Variants in AOPEP observed in about 807,000 individuals in gnomAD.
The protein encoded by AOPEP is aminopeptidase O.
Under a neutral mutation model 98.1 loss-of-function variants are expected in AOPEP, and 77 were observed. That is an observed-to-expected ratio of 0.78 (90% CI 0.65 to 0.95). AOPEP has a LOEUF of 0.95. Ranked by LOEUF, AOPEP falls within the 40% of genes least tolerant of loss-of-function variation. The probability of loss-of-function intolerance (pLI) is 0.00; values close to 1 mark genes in which losing one functional copy is unlikely to be tolerated. For synonymous variants in AOPEP, 346 were observed against 365.3 expected, an observed-to-expected ratio of 0.95 and a Z score of 0.60; for missense variants, 1,024 against 1,024.7, an observed-to-expected ratio of 1.00 and a Z score of 0.01.
At chr9:95,144,264 T>TG in the AOPEP span, among the ~76,000 whole-genome samples, 4 of 152,160 alleles carry the variant, frequency 2.6e-5, no homozygotes, top group Non-Finnish European at 5.9e-5. Context: ...CGCCACTGCT[T>TG]GGGGAACTTG....
At chr9:94,943,070 A>G (rs543793179) in intron 7 of AOPEP, among the ~76,000 whole-genome samples, 2 of 152,204 alleles carry the variant, frequency 1.3e-5, no homozygotes, top group Non-Finnish European at 2.9e-5. Context: ...AGTTTCTTAC[A>G]TACTAGACAC....
At chr9:94,741,750 A>G (rs549611212) in intron 1 of AOPEP, among the ~76,000 whole-genome samples, 306 of 152,336 alleles carry the variant, frequency 2.0e-3, no homozygotes, top group Non-Finnish European at 2.5e-3. Flanking sequence ...CCAAAAAAGA[A>G]GGTACGTTTC....
intron 5 of AOPEP, among the ~76,000 whole-genome samples, chr9:94,898,696 C>A (rs1360667060): frequency 2.0e-5 from 3 of 147,628 alleles, no homozygotes; most frequent in Non-Finnish European, 4.5e-5. Context: ...GTAATCCCAG[C>A]ACTTTGGGAG....
chr9:95,139,381 T>C, the AOPEP span, among the ~76,000 whole-genome samples: 1 of 152,086 alleles, frequency 6.6e-6, no homozygotes, highest in South Asian at 2.1e-4. Context: ...CTGAAGAAAA[T>C]GCAAGACACA....
At chr9:95,146,325 G>A in the AOPEP span, among the ~76,000 whole-genome samples, 2 of 150,848 alleles carry the variant, frequency 1.3e-5, no homozygotes, top group Non-Finnish European at 3.0e-5. Flanking sequence ...CGTCTCTACC[G>A]AAAATACAAA....
chr9:94,770,075 C>T (rs1358745712), intron 2 of AOPEP, among the ~76,000 whole-genome samples: 1 of 152,188 alleles, frequency 6.6e-6, no homozygotes, highest in Non-Finnish European at 1.5e-5. Flanking sequence ...TGATTTCAGA[C>T]ATTTGAACCC....
At chr9:95,020,776 G>A (rs908115896) in intron 13 of AOPEP, among the ~76,000 whole-genome samples, 2 of 151,904 alleles carry the variant, frequency 1.3e-5, no homozygotes, top group African/African-American at 2.4e-5. Context: ...AAATTAGCCA[G>A]GTGTGGTGGT....
At chr9:94,777,967 C>G (rs1200509633) in intron 3 of AOPEP, among the ~76,000 whole-genome samples, 1 of 151,912 alleles carries the variant, frequency 6.6e-6, no homozygotes, top group Non-Finnish European at 1.5e-5. Flanking sequence ...ATAAAAAACC[C>G]CACATGAAAG....
intron 5 of AOPEP, among the ~76,000 whole-genome samples, chr9:94,822,055 T>C (rs1012052152): frequency 2.0e-5 from 3 of 151,660 alleles, no homozygotes; most frequent in African/African-American, 4.8e-5. Flanking sequence ...CTGTGTGCTA[T>C]AGACACACAG....
chr9:94,727,073 C>G (rs530227136), intron 1 of AOPEP, among the ~76,000 whole-genome samples: 2 of 152,204 alleles, frequency 1.3e-5, no homozygotes, highest in Non-Finnish European at 2.9e-5. Context: ...CCTCCAGGCC[C>G]TCGGTCACCT....
At chr9:95,018,249 C>T (rs1161036115) in intron 13 of AOPEP, among the ~76,000 whole-genome samples, 1 of 152,174 alleles carries the variant, frequency 6.6e-6, no homozygotes, top group Non-Finnish European at 1.5e-5. Flanking sequence ...ACATTTCCAC[C>T]AGCAGTGTTT....
intron 5 of AOPEP, among the ~76,000 whole-genome samples, chr9:94,811,054 A>C (rs568667899): frequency 6.6e-5 from 10 of 152,300 alleles, no homozygotes; most frequent in Admixed American, 5.9e-4. Context: ...TTTAGCTTCC[A>C]GATATCTCCA....
chr9:94,956,312 C>T (rs1377274596), intron 9 of AOPEP, among the ~76,000 whole-genome samples: 1 of 152,192 alleles, frequency 6.6e-6, no homozygotes, highest in African/African-American at 2.4e-5. Flanking sequence ...AGACTGCCTC[C>T]TTCTTACCTT....
the AOPEP span, among the ~76,000 whole-genome samples, chr9:95,149,077 T>TA: frequency 6.6e-6 from 1 of 152,214 alleles, no homozygotes; most frequent in African/African-American, 2.4e-5. Flanking sequence ...TCAAACATTT[T>TA]TTTTTTTGCC....
intron 4 of AOPEP, among the ~76,000 whole-genome samples, chr9:94,796,487 A>T (rs1846959950): frequency 6.6e-6 from 1 of 152,144 alleles, no homozygotes; most frequent in South Asian, 2.1e-4. Context: ...GGTTATGTTC[A>T]CATCTGGTCC....
chr9:94,854,529 G>A (rs1323880200), intron 5 of AOPEP, among the ~76,000 whole-genome samples: 1 of 152,186 alleles, frequency 6.6e-6, no homozygotes, highest in Non-Finnish European at 1.5e-5. Flanking sequence ...TGTATCCCTA[G>A]TGCCAAGCAG....
chr9:94,740,569 G>A (rs1345257982), intron 1 of AOPEP, among the ~76,000 whole-genome samples: 2 of 152,188 alleles, frequency 1.3e-5, no homozygotes, highest in Non-Finnish European at 2.9e-5. Flanking sequence ...GAATGGTAAA[G>A]TGGCTCCTTG....
chr9:95,116,105 TAAAGGG>T, the AOPEP span, among the ~76,000 whole-genome samples: 2 of 152,194 alleles, frequency 1.3e-5, no homozygotes, highest in Non-Finnish European at 2.9e-5. Context: ...AACGGAAAGG[TAAAGGG>T]TTGGGCCCAT....
intron 11 of AOPEP, among the ~76,000 whole-genome samples, chr9:95,003,160 G>T (rs1050440659): frequency 6.6e-6 from 1 of 150,482 alleles, no homozygotes; most frequent in Non-Finnish European, 1.5e-5. Context: ...GTGTGTGTGT[G>T]TGTGTGCGCG....
Sources: allele counts gnomAD v4.1 joint callset (sites outside exome capture counted in the v4.1 genomes callset), GRCh38; gene constraint gnomAD v4.1.1; transcripts MANE v1.5; gene names NCBI Gene and HGNC (gene_info 2026-07-23, HGNC 2026-07-21).